Variants in MICAL2 observed in about 807,000 individuals in gnomAD.
MICAL2 encodes the protein [F-actin]-monooxygenase MICAL2.
In MICAL2, 77 loss-of-function variants were observed where a neutral mutation model predicts 127.3. That is an observed-to-expected ratio of 0.60 (90% CI 0.50 to 0.73). MICAL2 has a LOEUF of 0.73. Ranked by LOEUF, MICAL2 falls within the 30% of genes least tolerant of loss-of-function variation. MICAL2 has a pLI of 0.00. For synonymous variants in MICAL2, 570 were observed against 551.1 expected (o/e 1.03, Z -0.48); for missense variants, 1,351 against 1,434.4 (o/e 0.94, Z 0.94).
chr11:12,146,662 C>G (rs952286447), intron 2 of MICAL2, among the ~76,000 whole-genome samples: 6 of 152,130 alleles, frequency 3.9e-5, no homozygotes, highest in Non-Finnish European at 8.8e-5. Context: ...GGCGAGTCCT[C>G]AAGGATCTAG....
chr11:12,223,446 C>T lies in MICAL2; in HGVS notation c.1485C>T (p.His495=), dbSNP rs367672237. The change falls in exon 12 of 28, where the codon CAC becomes CAT. Residue 495 remains histidine, a synonymous_variant. Transcript: ENST00000683283. ...TGTATATCACTAAGGAGCTGGAGCA[C>T]TACCCTCTCGAGAGACTGGGCTCGG... ...KHLYITKELE[H]YPLERLGSVR... 3 of 1,614,008 alleles carry T rather than the reference C, an allele frequency of 1.9e-6. No individual in the cohort carries two copies. Among genetic ancestry groups the T allele is most frequent in the African/African-American group, 1.3e-5 (1 of 74,920 alleles).
At chr11:12,223,550 G>A (rs769136932) in intron 12 of MICAL2, 49 bp downstream of exon 12, 8 of 1,529,602 alleles carry the variant, frequency 5.2e-6, no homozygotes, top group Admixed American at 1.7e-5. Context: ...AGAGCTTTGA[G>A]GGGAGGAGGA....
downstream of MICAL2, among the ~76,000 whole-genome samples, chr11:12,361,033 T>A (rs1040548444): frequency 1.3e-5 from 2 of 152,048 alleles, no homozygotes; most frequent in Admixed American, 6.6e-5. Context: ...GCAATATGAG[T>A]AGGATTATGA....
At chr11:12,247,047 A>T (rs1374517803) in intron 21 of MICAL2, among the ~76,000 whole-genome samples, 2 of 152,166 alleles carry the variant, frequency 1.3e-5, no homozygotes, top group Non-Finnish European at 2.9e-5. Flanking sequence ...TCTTCCTGTG[A>T]TGGTGAGAAC....
upstream of MICAL2, chr11:12,274,288 T>C (rs1277754550): frequency 6.6e-6 from 1 of 152,154 alleles, no homozygotes; most frequent in African/African-American, 2.4e-5. Flanking sequence ...GCTGGGCGCA[T>C]TCACTCATGA....
intron 32 of MICAL2, among the ~76,000 whole-genome samples, chr11:12,334,305 A>C (rs1565308299): frequency 6.6e-6 from 1 of 152,196 alleles, no homozygotes; most frequent in Non-Finnish European, 1.5e-5. Context: ...TAGATTACTC[A>C]TAATACTGAA....
chr11:12,196,615 C>A (rs1248170977), intron 3 of MICAL2, among the ~76,000 whole-genome samples: 1 of 152,152 alleles, frequency 6.6e-6, no homozygotes, highest in Non-Finnish European at 1.5e-5. Context: ...TCAAAGGCTG[C>A]CCTGACTGCC....
intron 29 of MICAL2, among the ~76,000 whole-genome samples, chr11:12,305,210 T>G (rs1487641398): frequency 6.6e-6 from 1 of 152,152 alleles, no homozygotes; most frequent in Admixed American, 6.6e-5. Context: ...GGGAAGGCCT[T>G]AGGAAACTTA....
At chr11:12,134,082 C>G (rs531761880) in intron 1 of MICAL2, among the ~76,000 whole-genome samples, 1 of 152,316 alleles carries the variant, frequency 6.6e-6, no homozygotes, top group South Asian at 2.1e-4. Context: ...TATTGACCTT[C>G]ATGAGCCTCA....
intron 24 of MICAL2, among the ~76,000 whole-genome samples, chr11:12,258,140 G>A (rs78268085): frequency 0.011 from 1,720 of 152,290 alleles, 30 homozygotes; most frequent in East Asian, 0.073. Flanking sequence ...TGTGGTATGG[G>A]AGAAGGGGCT....
At chr11:12,319,320 G>C (rs1174960846) in intron 29 of MICAL2, among the ~76,000 whole-genome samples, 1 of 151,948 alleles carries the variant, frequency 6.6e-6, no homozygotes, top group Non-Finnish European at 1.5e-5. Context: ...CAAGCATTTA[G>C]GTAACTCAAC....
chr11:12,151,526 C>T (rs975094512), intron 2 of MICAL2, among the ~76,000 whole-genome samples: 7 of 152,170 alleles, frequency 4.6e-5, no homozygotes, highest in South Asian at 2.1e-4. Context: ...TCAGTGACTT[C>T]GCATACTGCA....
chr11:12,129,106 C>T (rs1484296388), intron 1 of MICAL2, among the ~76,000 whole-genome samples: 1 of 146,024 alleles, frequency 6.8e-6, no homozygotes, highest in South Asian at 2.2e-4. Context: ...TAGGTCTCCC[C>T]TTTACAAGAC....
intron 23 of MICAL2, 44 bp downstream of exon 23, chr11:12,255,794 T>G: frequency 6.5e-6 from 10 of 1,530,528 alleles, no homozygotes; most frequent in Non-Finnish European, 9.0e-6. Flanking sequence ...ACACTGGCTC[T>G]GGCATCCCAG....
chr11:12,305,077 T>A (rs139346178), intron 29 of MICAL2, among the ~76,000 whole-genome samples: 35 of 152,254 alleles, frequency 2.3e-4, no homozygotes, highest in Admixed American at 8.5e-4. Flanking sequence ...AGACCCCCAG[T>A]GGATACCTGA....
chr11:12,157,697 TAAA>T (rs35448001), intron 2 of MICAL2, among the ~76,000 whole-genome samples: 1 of 147,660 alleles, frequency 6.8e-6, no homozygotes, highest in African/African-American at 2.6e-5. Context: ...GATCCTCTGA[TAAA>T]AAAAAAAAAT....
intron 8 of MICAL2, among the ~76,000 whole-genome samples, chr11:12,219,528 CAAAAAAAAAAAAA>C (rs11316414): frequency 3.7e-4 from 18 of 48,628 alleles, no homozygotes; most frequent in African/African-American, 8.1e-4. Flanking sequence ...AACTCCATCT[CAAAAAAAAAAAAA>C]AAAAAAAAAA....
chr11:12,302,002 C>T (rs990676266), intron 29 of MICAL2, among the ~76,000 whole-genome samples: 3 of 152,300 alleles, frequency 2.0e-5, no homozygotes, highest in African/African-American at 4.8e-5. Context: ...CATCCCGTGT[C>T]GGCTAAAACA....
At chr11:12,124,476 G>A (rs981584124) in intron 1 of MICAL2, among the ~76,000 whole-genome samples, 12 of 152,154 alleles carry the variant, frequency 7.9e-5, no homozygotes, top group African/African-American at 1.2e-4. Context: ...CAGCCTTAAC[G>A]TTACGTGTTC....
Sources: allele counts gnomAD v4.1 joint callset (sites outside exome capture counted in the v4.1 genomes callset), GRCh38; gene constraint gnomAD v4.1.1; transcripts MANE v1.5; gene names NCBI Gene and HGNC (gene_info 2026-07-23, HGNC 2026-07-21).